Variants in TNRC6B observed in about 807,000 individuals in gnomAD.
The protein encoded by TNRC6B is trinucleotide repeat containing adaptor 6B.
In TNRC6B, 52 loss-of-function variants were observed where a neutral mutation model predicts 203.6. The ratio of observed to expected loss-of-function variants is 0.26; its 90% CI spans 0.20 to 0.32. The LOEUF is 0.32. Ranked by LOEUF, TNRC6B falls within the 10% of genes least tolerant of loss-of-function variation. TNRC6B has a pLI of 1.00. For missense variants in TNRC6B, 1,923 were observed against 2,286.2 expected (o/e 0.84, Z 3.24); for synonymous variants, 838 against 845.7 (o/e 0.99, Z 0.16).
chr22:40,136,980 G>A (rs1339589746), intron 3 of TNRC6B, among the ~76,000 whole-genome samples: 1 of 152,138 alleles, frequency 6.6e-6, no homozygotes, highest in East Asian at 1.9e-4. Context: ...AAAATACACA[G>A]TAGTATTTGA....
At chr22:40,143,503 T>TG (rs964647792) in intron 3 of TNRC6B, among the ~76,000 whole-genome samples, 12 of 152,100 alleles carry the variant, frequency 7.9e-5, no homozygotes, top group African/African-American at 2.7e-4. Flanking sequence ...TCTTTTTTTG[T>TG]GGGGGGGATA....
chr22:40,058,147 C>T (rs943413892), intron 1 of TNRC6B, among the ~76,000 whole-genome samples: 2 of 152,142 alleles, frequency 1.3e-5, no homozygotes, highest in South Asian at 4.1e-4. Context: ...GTGGACTGCT[C>T]CAGAAAGAGG....
At chr22:40,233,857 T>C (rs898915486) in intron 1 of TNRC6B, among the ~76,000 whole-genome samples, 5 of 152,224 alleles carry the variant, frequency 3.3e-5, no homozygotes, top group African/African-American at 9.6e-5. Flanking sequence ...CTTGGATGGC[T>C]GGTGCCTTTC....
chr22:40,266,474 T>C lies in TNRC6B; in HGVS notation c.2244T>C (p.Gly748=), dbSNP rs746189532. The C allele has an allele frequency of 7.4e-6, 12 of 1,613,086 alleles. No individual in the cohort carries two copies. Among genetic ancestry groups the C allele is most frequent in the African/African-American group, 2.7e-5 (2 of 74,680 alleles). Residue 748 remains glycine, a synonymous_variant, in exon 5 of 23, where the codon GGT becomes GGC. Transcript: ENST00000454349. ...PNQGWSSGKN[G]WGEEVDQTKN... is the part of the protein sequence containing the mutation. Reference sequence around the variant, plus strand: ...AAGGATGGTCTTCTGGAAAGAATGGTTGGGGGGAGGAAGTCGATCAGACAA... The same window carrying C: ...AAGGATGGTCTTCTGGAAAGAATGGCTGGGGGGAGGAAGTCGATCAGACAA...
chr22:40,075,156 A>ATATATATATATATATATATT, intron 1 of TNRC6B, among the ~76,000 whole-genome samples: 1 of 35,556 alleles, frequency 2.8e-5, no homozygotes, highest in Admixed American at 4.9e-4. Flanking sequence ...ATATATATAT[A>ATATATATATATATATATATT]TTTTTTTTTT....
At chr22:40,206,883 G>A (rs920189025) in intron 1 of TNRC6B, among the ~76,000 whole-genome samples, 4 of 152,164 alleles carry the variant, frequency 2.6e-5, no homozygotes, top group Non-Finnish European at 2.9e-5. Flanking sequence ...TATGGATTGC[G>A]TTAGTCTCTT....
At chr22:40,221,758 C>G (rs1261318825) in intron 1 of TNRC6B, among the ~76,000 whole-genome samples, 1 of 123,382 alleles carries the variant, frequency 8.1e-6, no homozygotes, top group African/African-American at 2.6e-5. Context: ...ATTGCCCCCC[C>G]CCCTTTTTTT....
chr22:40,087,624 A>T (rs1208577694), intron 1 of TNRC6B, among the ~76,000 whole-genome samples: 1 of 152,190 alleles, frequency 6.6e-6, no homozygotes, highest in East Asian at 1.9e-4. Context: ...TTTCTGACAA[A>T]GTAACATTTA....
intron 1 of TNRC6B, among the ~76,000 whole-genome samples, chr22:40,207,748 C>G (rs914285133): frequency 1.3e-5 from 2 of 151,926 alleles, no homozygotes; most frequent in Non-Finnish European, 2.9e-5. Flanking sequence ...AATTAGTAAT[C>G]AAGGAAATGC....
intron 3 of TNRC6B, among the ~76,000 whole-genome samples, chr22:40,260,135 A>G (rs1219108723): frequency 1.3e-5 from 2 of 152,154 alleles, no homozygotes; most frequent in Non-Finnish European, 2.9e-5. Context: ...AAATCAAATG[A>G]TTTAAAGTAA....
chr22:40,116,025 T>G, intron 1 of TNRC6B, among the ~76,000 whole-genome samples: 1 of 152,186 alleles, frequency 6.6e-6, no homozygotes, highest in East Asian at 1.9e-4. Flanking sequence ...TTAAATAAAG[T>G]AAGTCAAATA....
intron 1 of TNRC6B, among the ~76,000 whole-genome samples, chr22:40,210,912 A>C (rs2069552820): frequency 6.6e-6 from 1 of 152,118 alleles, no homozygotes; most frequent in African/African-American, 2.4e-5. Flanking sequence ...CCTTCTACCC[A>C]CTAGATGCTA....
At chr22:40,156,238 G>C (rs2068817894) in intron 4 of TNRC6B, 3 of 1,507,028 alleles carry the variant, frequency 2.0e-6, no homozygotes, top group African/African-American at 2.8e-5. Context: ...AAACACTTTG[G>C]TTCAACATGC....
intron 1 of TNRC6B, among the ~76,000 whole-genome samples, chr22:40,069,405 C>T (rs1484495941): frequency 6.6e-6 from 1 of 151,854 alleles, no homozygotes; most frequent in Non-Finnish European, 1.5e-5. Context: ...TGCACCTGGC[C>T]TAAAAGTTGT....
chr22:40,164,225 G>GA (rs11286129), intron 4 of TNRC6B, among the ~76,000 whole-genome samples: 24 of 145,264 alleles, frequency 1.7e-4, no homozygotes, highest in Admixed American at 2.1e-4. Context: ...CTACTAAAAA[G>GA]AAAAAAAAAA....
At chr22:40,102,488 G>C (rs1376725122) in intron 1 of TNRC6B, among the ~76,000 whole-genome samples, 1 of 152,062 alleles carries the variant, frequency 6.6e-6, no homozygotes, top group Non-Finnish European at 1.5e-5. Flanking sequence ...TACATGATTT[G>C]GCCTCACATG....
intron 1 of TNRC6B, among the ~76,000 whole-genome samples, chr22:40,232,789 G>A (rs2069892264): frequency 2.0e-5 from 3 of 152,216 alleles, no homozygotes; most frequent in Non-Finnish European, 2.9e-5. Context: ...AAGGCAGGCG[G>A]ATCACTTGAT....
rs186990745 is a variant in TNRC6B at position 40,329,748 on chromosome 22, G to T, written c.*6507G>T. ...ATTGTGGCATACCCCTAATATTTGAGTAGTTTTTAAGCTGTCAGTCTCTTG... is the reference window on the plus strand; with the variant it reads ...ATTGTGGCATACCCCTAATATTTGATTAGTTTTTAAGCTGTCAGTCTCTTG... On this transcript the variant is annotated 3_prime_UTR_variant, in exon 23 of 23. Coordinates refer to ENST00000454349, the MANE Select transcript of TNRC6B (RefSeq NM_001162501.2). The T allele has an allele frequency of 1.3e-5, 2 of 152,246 alleles. No individual in the cohort carries two copies. Among genetic ancestry groups the T allele is most frequent in the African/African-American group, 2.4e-5 (1 of 41,534 alleles). 9.4% of individuals were successfully genotyped at this position (152,246 alleles called of 1,614,324 possible). A position where few individuals can be genotyped will look rare whatever the true frequency, so the allele number is the denominator to read the frequency against.
chr22:40,271,937 A>T lies in TNRC6B; in HGVS notation c.2966-1488A>T, dbSNP rs2070569224. On this transcript the variant is annotated intron_variant, in intron 6 of 22. Coordinates refer to ENST00000454349, the MANE Select transcript of TNRC6B (RefSeq NM_001162501.2). ...TTGATGTTATGAATCCTATGATTAA[A>T]AATTAGACCTCTCTTATCTTTTCTG... 2.6e-5 allele frequency among the ~76,000 whole-genome samples: 4 copies of T among 152,196 alleles called. No homozygotes were observed. In the South Asian group the frequency reaches 8.3e-4, roughly 31 times the overall value.
Sources: allele counts gnomAD v4.1 joint callset (sites outside exome capture counted in the v4.1 genomes callset), GRCh38; gene constraint gnomAD v4.1.1; transcripts MANE v1.5; gene names NCBI Gene and HGNC (gene_info 2026-07-23, HGNC 2026-07-21).